Variants in ANKH observed in about 807,000 individuals in gnomAD.
ANKH encodes ANKH inorganic pyrophosphate transport regulator.
ANKH carries 15 observed loss-of-function variants against 49.0 expected under a neutral mutation model. That is an observed-to-expected ratio of 0.31 (90% confidence interval 0.20 to 0.47). The LOEUF is 0.47. Among genes scored for constraint, ANKH ranks in the 20% least tolerant of loss-of-function variants. The pLI is 1.00. For missense variants in ANKH, 429 were observed against 652.0 expected (o/e 0.66, Z 3.72); for synonymous variants, 273 against 260.0 (o/e 1.05, Z -0.48).
At chr5:14,820,961 T>G (rs970679225) in intron 1 of ANKH, among the ~76,000 whole-genome samples, 2 of 151,870 alleles carry the variant, frequency 1.3e-5, no homozygotes, top group Admixed American at 1.3e-4. Context: ...TAGCTGGGGG[T>G]GGTGGTGACA....
At chr5:14,731,942 G>A (rs1017384050) in intron 8 of ANKH, among the ~76,000 whole-genome samples, 10 of 152,216 alleles carry the variant, frequency 6.6e-5, no homozygotes, top group Non-Finnish European at 1.3e-4. Flanking sequence ...GGAGCTGCGC[G>A]AGTGTCACGT....
At chr5:14,787,319 A>G (rs1315864089) in intron 1 of ANKH, among the ~76,000 whole-genome samples, 2 of 151,672 alleles carry the variant, frequency 1.3e-5, no homozygotes, top group East Asian at 3.9e-4. Flanking sequence ...ATCTCAAAAA[A>G]AGAAAAAAAG....
intron 1 of ANKH, among the ~76,000 whole-genome samples, chr5:14,863,216 T>TA (rs1013546222): frequency 2.0e-5 from 3 of 152,160 alleles, no homozygotes; most frequent in African/African-American, 4.8e-5. Flanking sequence ...ACATAGCCTA[T>TA]AAAAAAATTT....
intron 7 of ANKH, among the ~76,000 whole-genome samples, chr5:14,743,284 C>T (rs534055095): frequency 6.6e-5 from 10 of 152,290 alleles, no homozygotes; most frequent in African/African-American, 2.2e-4. Context: ...CTGCTGGGTA[C>T]GATGAGGAGG....
At position 14,758,520 on chromosome 5, in the gene ANKH, G is replaced by C; in HGVS notation, c.392C>G (p.Ala131Gly). 1 of 1,614,126 alleles carries C rather than the reference G, an allele frequency of 6.2e-7. No homozygotes were observed. Among genetic ancestry groups the C allele is most frequent in the Non-Finnish European group, 8.5e-7 (1 of 1,179,994 alleles). ...AGGAAAGGCGGCGAGGTACAGGAAG[G>C]CCCTTCTCGTCTTGCTCCCCACCGA... ...DESVGSKTRR[A>G]FLYLAAFPFM... The change falls in exon 3 of 12, where the codon GCC (alanine) becomes GGC (glycine). Residue 131 changes from alanine (A) to glycine (G), a missense_variant. Around this residue, in one of 2 missense-constraint regions of ANKH, gnomAD observed 378 missense variants for 615.3 expected, o/e 0.61. Transcript: ENST00000284268.
At position 14,707,973 on chromosome 5, in the gene ANKH, A is replaced by C. The variant is rs999138468; in HGVS notation, c.*3224T>G. 6.6e-6 allele frequency: 1 copy of C among 152,208 alleles called. No individual in the cohort carries two copies. Among genetic ancestry groups the C allele is most frequent in the African/African-American group, 2.4e-5 (1 of 41,464 alleles). 9.4% of individuals were successfully genotyped at this position (152,208 alleles called of 1,614,324 possible). On this transcript the variant is annotated 3_prime_UTR_variant, in exon 12 of 12. Coordinates refer to ENST00000284268, the MANE Select transcript of ANKH (RefSeq NM_054027.6). ...TTCTGTGCCCCATTTAAAGAATCCC[A>C]AACGGGAGAGTTTCCTGCCAATGTG...
intron 8 of ANKH, among the ~76,000 whole-genome samples, chr5:14,719,334 C>G (rs752595066): frequency 6.6e-6 from 1 of 152,214 alleles, no homozygotes; most frequent in Non-Finnish European, 1.5e-5. Context: ...CTCATGCACA[C>G]TTTTTCAAGA....
chr5:14,808,277 G>C (rs1295318978), intron 1 of ANKH, among the ~76,000 whole-genome samples: 1 of 151,846 alleles, frequency 6.6e-6, no homozygotes, highest in African/African-American at 2.4e-5. Flanking sequence ...ATTGAATGTA[G>C]AGTTTGTAAA....
intron 2 of ANKH, among the ~76,000 whole-genome samples, chr5:14,763,023 T>C (rs1449345801): frequency 6.6e-6 from 1 of 152,216 alleles, no homozygotes; most frequent in African/African-American, 2.4e-5. Context: ...ACACAGAAAG[T>C]GCCCTTCAGA....
chr5:14,831,190 G>A (rs1157007911), intron 1 of ANKH, among the ~76,000 whole-genome samples: 1 of 152,022 alleles, frequency 6.6e-6, no homozygotes, highest in African/African-American at 2.4e-5. Flanking sequence ...GTGACAGGGA[G>A]CCCTAAAATG....
chr5:14,766,779 C>G (rs764066100), intron 2 of ANKH, among the ~76,000 whole-genome samples: 2 of 152,178 alleles, frequency 1.3e-5, no homozygotes, highest in African/African-American at 4.8e-5. Flanking sequence ...TAGGCCCCAC[C>G]CAGGAGCTGT....
At chr5:14,795,900 C>T (rs1312099531) in intron 1 of ANKH, among the ~76,000 whole-genome samples, 1 of 151,242 alleles carries the variant, frequency 6.6e-6, no homozygotes, top group South Asian at 2.1e-4. Context: ...TATATAAAAG[C>T]GAATATCCTA....
At chr5:14,843,725 C>T (rs1393346130) in intron 1 of ANKH, among the ~76,000 whole-genome samples, 1 of 152,074 alleles carries the variant, frequency 6.6e-6, no homozygotes, top group African/African-American at 2.4e-5. Flanking sequence ...AACAACCTTC[C>T]ACTTACCTCC....
intron 8 of ANKH, among the ~76,000 whole-genome samples, chr5:14,721,896 C>T (rs541022945): frequency 7.3e-6 from 1 of 137,324 alleles, no homozygotes; most frequent in African/African-American, 2.7e-5. Flanking sequence ...TGCCACTGCA[C>T]TCCAGCCTGG....
intron 2 of ANKH, among the ~76,000 whole-genome samples, chr5:14,763,527 T>A (rs1032181510): frequency 6.6e-6 from 1 of 152,188 alleles, no homozygotes; most frequent in African/African-American, 2.4e-5. Flanking sequence ...ACTTGTCCAA[T>A]GTGGGGGATA....
chr5:14,734,402 C>T (rs1178039858), intron 8 of ANKH, among the ~76,000 whole-genome samples: 3 of 152,200 alleles, frequency 2.0e-5, no homozygotes, highest in African/African-American at 4.8e-5. Context: ...TGTGCGCTCA[C>T]CATTGCTCCA....
intron 3 of ANKH, among the ~76,000 whole-genome samples, chr5:14,758,067 G>A (rs1738958400): frequency 6.6e-6 from 1 of 152,222 alleles, no homozygotes; most frequent in Non-Finnish European, 1.5e-5. Context: ...ATGTGGCCTA[G>A]ACATTCACTG....
chr5:14,798,541 G>A, intron 1 of ANKH: 1 of 654,644 alleles, frequency 1.5e-6, no homozygotes, highest in East Asian at 2.8e-5. Flanking sequence ...CCTGTGTCAA[G>A]CAAGTCTATT....
At chr5:14,763,422 C>T (rs549237224) in intron 2 of ANKH, among the ~76,000 whole-genome samples, 1 of 152,328 alleles carries the variant, frequency 6.6e-6, no homozygotes, top group South Asian at 2.1e-4. Flanking sequence ...TCAGGTACTG[C>T]ACACTCTAAC....
Sources: allele counts gnomAD v4.1 joint callset (sites outside exome capture counted in the v4.1 genomes callset), GRCh38; gene constraint gnomAD v4.1.1; regional missense constraint gnomAD v4.1.1; transcripts MANE v1.5; gene names NCBI Gene and HGNC (gene_info 2026-07-23, HGNC 2026-07-21).